CPT1B: variants seen among roughly 807,000 people sequenced by gnomAD.
CPT1B encodes carnitine palmitoyltransferase 1B, also known as carnitine O-palmitoyltransferase 1, muscle isoform.
In CPT1B, 57 loss-of-function variants were observed where a neutral mutation model predicts 92.7. The ratio of observed to expected loss-of-function variants is 0.62; its 90% confidence interval spans 0.50 to 0.77. CPT1B has a LOEUF of 0.77. CPT1B is among the 30% of genes least tolerant of loss of function. The probability of loss-of-function intolerance (pLI) is 0.00; values close to 1 mark genes in which losing one functional copy is unlikely to be tolerated. For synonymous variants in CPT1B, 398 were observed against 383.5 expected (o/e 1.04, Z -0.44); for missense variants, 983 against 1,017.4 (o/e 0.97, Z 0.46).
rs748482758 is a variant in CPT1B, at chr22:50,572,014, G to C, written c.1567C>G (p.Pro523Ala). The C allele has an allele frequency of 6.2e-7, 1 of 1,613,840 alleles. No individual in the cohort carries two copies. Among genetic ancestry groups the C allele is most frequent in the Non-Finnish European group, 8.5e-7 (1 of 1,179,918 alleles). Residue 523 changes from proline (P) to alanine (A), a missense_variant, in exon 13 of 20, where the codon CCA becomes GCA. By Grantham distance (27) the Pro-to-Ala change is conservative. Transcript: ENST00000312108. ...GGGAGCTTCCAACCCACCTGTTTTGGAATGTCCCACTGCAGCCGTGTAGGA... is the reference window on the plus strand; with the variant it reads ...GGGAGCTTCCAACCCACCTGTTTTGCAATGTCCCACTGCAGCCGTGTAGGA... ...APPTRLQWDI[P>A]KQCQAVIESS... is the part of the protein sequence containing the mutation.
At chr22:50,577,066 C>T (rs1275081879) in intron 3 of CPT1B, 32 bp from the exon 4 acceptor site, 1 of 1,608,386 alleles carries the variant, frequency 6.2e-7, no homozygotes, top group Non-Finnish European at 8.5e-7. Flanking sequence ...TGCAGGGGGT[C>T]CTCTTGAGGC....
In CPT1B at chr22:50,572,240, G is replaced by T. The variant is rs1423499725; in HGVS notation, c.1421C>A (p.Ala474Glu). ...CCCAATGATGGGAGCATCTGCCCACGCATGCTCTGCATTGAGACCCAACTG... is the reference window on the plus strand; with the variant it reads ...CCCAATGATGGGAGCATCTGCCCACTCATGCTCTGCATTGAGACCCAACTG... ...NGQLGLNAEH[A>E]WADAPIIGHL... Residue 474 changes from alanine to glutamate, a missense_variant, in exon 12 of 20, where the codon GCG becomes GAG. Physicochemically the swap from Ala to Glu is moderately radical, Grantham distance 107. Coordinates refer to ENST00000312108, the MANE Select transcript of CPT1B (RefSeq NM_152246.3). The T allele has an allele frequency of 1.2e-6, 2 of 1,613,690 alleles. No homozygotes were observed. The highest frequency in any genetic ancestry group is 1.7e-6 in the Non-Finnish European group (2 of 1,179,708).
chr22:50,577,326 C>T lies in CPT1B; in HGVS notation c.279G>A (p.Gln93=), dbSNP rs1430477441. 6.2e-7 allele frequency: 1 copy of T among 1,613,616 alleles called. No individual in the cohort carries two copies. Among genetic ancestry groups the T allele is most frequent in the African/African-American group, 1.3e-5 (1 of 74,938 alleles). The change falls in exon 3 of 20, where the codon CAG becomes CAA. Residue 93 remains glutamine, a splice_region_variant and synonymous_variant. Transcript: ENST00000312108. ...LVSCIQRCLP[Q]GCGPYQTPQT... The stretch of plus-strand genomic sequence containing the variant: ...GCCCTTCCAGTTTCACTCCTTACCC[C>T]TGAGGGAGGCATCTCTGGATGCAAC...
In CPT1B at chr22:50,571,672, C is replaced by G. The variant is rs547840719; in HGVS notation, c.1576-133G>C. 55 of 1,026,780 alleles carry G rather than the reference C, an allele frequency of 5.4e-5. No individual in the cohort carries two copies. The African/African-American group carries it at 7.8e-4, about 14-fold the overall frequency. The allele number at this position is 1,026,780 out of a possible 1,614,324, so 63.6% of individuals were successfully genotyped here. The stretch of plus-strand genomic sequence containing the variant: ...CCAAGACATCTTCAGGAGGAGGGTA[C>G]GCAAAAGACAGTCTGAGGGAGAATC... On this transcript the variant is annotated intron_variant, in intron 13 of 19. Coordinates refer to ENST00000312108, the MANE Select transcript of CPT1B (RefSeq NM_152246.3).
intron 2 of CPT1B, 22 bp downstream of exon 2, chr22:50,577,753 T>TG (rs1180339550): frequency 6.2e-7 from 1 of 1,607,900 alleles, no homozygotes; most frequent in Non-Finnish European, 8.5e-7. Context: ...GCCTACGCTC[T>TG]GGGAGAAGCA....
rs748155162 is a variant in CPT1B, at chr22:50,574,483, C to T, written c.885+10G>A. ...CCTCCCATCCCACCTTCAACCCTGA[C>T]GCAACTCACAGGCTTGATTTCTTCA... On this transcript the variant is annotated intron_variant, in intron 8 of 19. Transcript: ENST00000312108. 74 of 1,613,852 alleles carry T rather than the reference C, an allele frequency of 4.6e-5. No homozygotes were observed. Among genetic ancestry groups the T allele is most frequent in the East Asian group, 2.2e-4 (10 of 44,902 alleles).
In CPT1B at chr22:50,577,196, A is replaced by G. The variant is rs147234026; in HGVS notation, c.281+128T>C. On this transcript the variant is annotated intron_variant, in intron 3 of 19. Transcript: ENST00000312108. Reference sequence around the variant, plus strand: ...GTAGGGCTAAGACAATGGTTGTCATAGGGGAGGGCTGCCCCGTGACTGCCA... The same window carrying G: ...GTAGGGCTAAGACAATGGTTGTCATGGGGGAGGGCTGCCCCGTGACTGCCA... The G allele has an allele frequency of 2.3e-4, 328 of 1,397,942 alleles. 1 individual carries two copies. The African/African-American group carries it at 4.3e-3, about 18-fold the overall frequency. 86.6% of individuals were successfully genotyped at this position (1,397,942 alleles called of 1,614,324 possible).
intron 6 of CPT1B, 41 bp from the exon 7 acceptor site, chr22:50,576,153 C>T (rs2070422140): frequency 1.2e-6 from 2 of 1,613,982 alleles, no homozygotes; most frequent in African/African-American, 2.7e-5. Context: ...CGGGTGCAGC[C>T]AGGACACATG....
chr22:50,572,726 C>G (rs2146621655), intron 11 of CPT1B, 149 bp downstream of exon 11: 8 of 811,968 alleles, frequency 9.9e-6, no homozygotes, highest in Middle Eastern at 6.2e-4. Context: ...CTCAAGTGAT[C>G]CACCTGCCTT....
chr22:50,578,074 C>A, intron 1 of CPT1B, 140 bp from the exon 2 acceptor site: 1 of 361,948 alleles, frequency 2.8e-6, no homozygotes, highest in Non-Finnish European at 4.1e-6. Flanking sequence ...GCGCCCCCCG[C>A]CAGGCCAACC....
In CPT1B at chr22:50,571,057, G is replaced by T. The variant is rs9628215; in HGVS notation, c.1876-14C>A. 2.2e-3 allele frequency: 3,565 copies of T among 1,613,616 alleles called. 29 individuals carry two copies. In the African/African-American group the frequency reaches 0.024, roughly 11 times the overall value. ...CAGGTCTGCTTTCTGCGGGGCAGAA[G>T]TAAAGGGGTGAAGAGTAGCCCTGGC... On this transcript the variant is annotated splice_polypyrimidine_tract_variant and intron_variant, in intron 15 of 19. Transcript: ENST00000312108.
chr22:50,577,015 G>C lies in CPT1B; in HGVS notation c.301C>G (p.Pro101Ala). 1 of 1,614,040 alleles carries C rather than the reference G, an allele frequency of 6.2e-7. No homozygotes were observed. The highest frequency in any genetic ancestry group is 8.5e-7 in the Non-Finnish European group (1 of 1,180,018). Residue 101 changes from proline to alanine, a missense_variant, in exon 4 of 20, where the codon CCG (proline) becomes GCG (alanine). By Grantham distance (27) the Pro-to-Ala change is conservative. Transcript: ENST00000312108. ...ATGCTGAGAAGTGCCCGGGTCTGCG[G>C]GGTCTGGTAGGGGCCACACCTATTG... ...LPQGCGPYQT[P>A]QTRALLSMAI... is the part of the protein sequence containing the mutation.
In CPT1B at chr22:50,577,812, C is replaced by T. The variant is rs372094766; in HGVS notation, c.104G>A (p.Gly35Glu). 3 of 1,613,766 alleles carry T rather than the reference C, an allele frequency of 1.9e-6. No individual in the cohort carries two copies. Among genetic ancestry groups the T allele is most frequent in the African/African-American group, 2.7e-5 (2 of 74,952 alleles). ...CAGGCGTTTCTTCCAGGAGTTGATC[C>T]CAGACAGGTAGACGTGTTTCAGGGC... ...REALKHVYLS[G>E]INSWKKRLIR... is the part of the protein sequence containing the mutation. The change falls in exon 2 of 20, where the codon GGG (glycine) becomes GAG (glutamate). Residue 35 changes from glycine to glutamate, a missense_variant. Transcript: ENST00000312108.
At position 50,577,949 on chromosome 22, in the gene CPT1B, G is replaced by C. The variant is rs750943655; in HGVS notation, c.-19-15C>G. The C allele has an allele frequency of 1.3e-6, 2 of 1,590,960 alleles. No homozygotes were observed. On this transcript the variant is annotated splice_polypyrimidine_tract_variant and intron_variant, in intron 1 of 19. Coordinates refer to ENST00000312108, the MANE Select transcript of CPT1B (RefSeq NM_152246.3). Reference sequence around the variant, plus strand: ...TTGGTCGGCACCTAGGACGGGGGCAGATGGGTGCGCGGGCGCGCTTAGGCC... The same window carrying C: ...TTGGTCGGCACCTAGGACGGGGGCACATGGGTGCGCGGGCGCGCTTAGGCC...
chr22:50,571,594 G>A (rs2070177907), intron 13 of CPT1B, 55 bp from the exon 14 acceptor site: 4 of 1,582,436 alleles, frequency 2.5e-6, no homozygotes, highest in African/African-American at 1.3e-5. Context: ...GCAGGACTCT[G>A]GGTCATGTCT....
rs769084833 is a variant in CPT1B at position 50,577,376 on chromosome 22, C to T, written c.229G>A (p.Val77Met). 7 of 1,613,966 alleles carry T rather than the reference C, an allele frequency of 4.3e-6. No homozygotes were observed. The highest frequency in any genetic ancestry group is 1.6e-4 in the Middle Eastern group (1 of 6,062). The change falls in exon 3 of 20, where the codon GTG (valine) becomes ATG (methionine). Residue 77 changes from valine to methionine, a missense_variant. Val to Met is a conservative substitution (Grantham distance 21). Coordinates refer to ENST00000312108, the MANE Select transcript of CPT1B (RefSeq NM_152246.3). ...MATVGSSFCN[V>M]DISLGLVSCI... The stretch of plus-strand genomic sequence containing the variant: ...CTGACCAGCCCCAAGGAGATGTCCA[C>T]GTTGCAGAAGGAGGAACCCACTGTT...
Position 50,573,204 on chromosome 22 carries a change from G to A in CPT1B, c.1167-144C>T. On this transcript the variant is annotated intron_variant, in intron 10 of 19. Coordinates refer to ENST00000312108, the MANE Select transcript of CPT1B (RefSeq NM_152246.3). The surrounding 1 kb of genome is among the most constrained non-coding windows in gnomAD (Gnocchi z 5.0). Reference sequence around the variant, plus strand: ...TACCACGCTGGACCTGGAGATGTGGGGGTGCCAGGCTGGGCCTGGAGGTGT... The same window carrying A: ...TACCACGCTGGACCTGGAGATGTGGAGGTGCCAGGCTGGGCCTGGAGGTGT... 2.8e-6 allele frequency: 2 copies of A among 718,682 alleles called. No individual in the cohort carries two copies. The highest frequency in any genetic ancestry group is 1.9e-5 in the South Asian group (1 of 52,480). The allele number at this position is 718,682 out of a possible 1,614,324, so 44.5% of individuals were successfully genotyped here. A position where few individuals can be genotyped will look rare whatever the true frequency, so the allele number is the denominator to read the frequency against.
At position 50,571,201 on chromosome 22, in the gene CPT1B, T is replaced by C. The variant is rs758805208; in HGVS notation, c.1832A>G (p.Glu611Gly). ...CATGGCCTGCACAAAGGCTGTGGAC[T>C]CGCTGGTACAGGAACGCACAGTCTC... ...RTETVRSCTSESTAFVQAMME... is the reference protein window; with the variant it reads ...RTETVRSCTSGSTAFVQAMME... Residue 611 changes from glutamate (E) to glycine (G), a missense_variant, in exon 15 of 20, where the codon GAG (glutamate) becomes GGG (glycine). Transcript: ENST00000312108. 2 of 1,614,136 alleles carry C rather than the reference T, an allele frequency of 1.2e-6. No homozygotes were observed. Among genetic ancestry groups the C allele is most frequent in the Non-Finnish European group, 8.5e-7 (1 of 1,180,026 alleles).
intron 11 of CPT1B, 145 bp downstream of exon 11, chr22:50,572,730 C>T: frequency 1.2e-6 from 1 of 856,300 alleles, no homozygotes; most frequent in Admixed American, 2.7e-5. Context: ...AGTGATCCAC[C>T]TGCCTTGGCC....
Sources: gnomAD v4.1 joint callset for allele counts on GRCh38, gnomAD v4.1.1 for gene constraint, Gnocchi (gnomAD v3.1) non-coding constraint, MANE v1.5 for transcripts, NCBI Gene and HGNC (gene_info 2026-07-23, HGNC 2026-07-21) for gene names.